The following HNRNPH1 variants were observed in gnomAD, a reference collection of about 807,000 sequenced individuals.
The protein encoded by HNRNPH1 is heterogeneous nuclear ribonucleoprotein H.
In HNRNPH1, 4 loss-of-function variants were observed where a neutral mutation model predicts 58.6. That is an observed-to-expected ratio of 0.07 (90% confidence interval 0.03 to 0.16). The LOEUF (loss-of-function observed/expected upper bound fraction) is 0.16, where lower values mean the gene tolerates loss of function less well. Among genes scored for constraint, HNRNPH1 ranks in the 10% least tolerant of loss-of-function variants. The pLI, the probability that HNRNPH1 is intolerant of heterozygous loss-of-function variation, is 1.00. For missense variants in HNRNPH1, 271 were observed against 564.2 expected (o/e 0.48, Z 5.26); for synonymous variants, 192 against 189.2 (o/e 1.01, Z -0.12).
intron 4 of HNRNPH1, 163 bp downstream of exon 5, chr5:179,619,106 T>C: frequency 1.7e-6 from 1 of 602,010 alleles, no homozygotes; most frequent in East Asian, 3.0e-5. Flanking sequence ...ACCTAAAATT[T>C]AGTTTGCGTG....
At chr5:179,627,256 A>G (rs1294494569), upstream of HNRNPH1, among the ~76,000 whole-genome samples, 1 of 152,078 alleles carries the variant, frequency 6.6e-6, no homozygotes, top group Non-Finnish European at 1.5e-5. Context: ...CAGTGACACA[A>G]TCATAACTCA....
rs770127821 is a variant in HNRNPH1 at position 179,617,632 on chromosome 5, G to A, written c.939C>T (p.Asn313=). Residue 313 remains asparagine (N), a synonymous_variant, in exon 8 of 13, where the codon AAC becomes AAT. Transcript: ENST00000356731. ...CAATTTCAATGTGTACTCTCACAGG[G>A]TTGAGCGGTGAAAAAAACTACAACA... 8.7e-6 allele frequency: 14 copies of A among 1,613,180 alleles called. No individual in the cohort carries two copies. The highest frequency in any genetic ancestry group is 1.7e-4 in the Middle Eastern group (1 of 6,058).
At chr5:179,615,133 C>A (rs1581620600) in intron 12 of HNRNPH1, 174 bp from the exon 14 acceptor site, 1 of 581,808 alleles carries the variant, frequency 1.7e-6, no homozygotes, top group Non-Finnish European at 3.1e-6. Flanking sequence ...CTCAATTAAC[C>A]CCTTTTCTCT....
chr5:179,632,102 C>G (rs1336553342), intron 2 of HNRNPH1, among the ~76,000 whole-genome samples: 2 of 151,958 alleles, frequency 1.3e-5, no homozygotes, highest in African/African-American at 2.4e-5. Context: ...GTCAGGAGAT[C>G]GAGACCATCC....
At chr5:179,633,994 A>G (rs13162707) in intron 2 of HNRNPH1, 53,739 of 152,042 alleles carry the variant, frequency 0.35, 10,945 homozygotes, top group East Asian at 0.72. Context: ...GGTAGTCACT[A>G]TGGTGCTTTC....
exon 1 of HNRNPH1, chr5:179,623,192 G>A (rs1177587069): frequency 3.1e-5 from 40 of 1,274,284 alleles, no homozygotes; most frequent in African/African-American, 1.0e-4. Flanking sequence ...CCAGAACTGA[G>A]AGCGCCAATT....
At chr5:179,631,633 G>C (rs1774836392) in intron 2 of HNRNPH1, among the ~76,000 whole-genome samples, 1 of 152,116 alleles carries the variant, frequency 6.6e-6, no homozygotes, top group Admixed American at 6.6e-5. Flanking sequence ...TGTAATCCCA[G>C]CTACTCAGGG....
chr5:179,619,177 A>C (rs1228869027), intron 4 of HNRNPH1, 92 bp downstream of exon 5: 1 of 1,184,106 alleles, frequency 8.4e-7, no homozygotes, highest in African/African-American at 1.5e-5. Context: ...TAGGACTACA[A>C]AACATTAATT....
At chr5:179,616,795 T>C (rs1769949891) in intron 10 of HNRNPH1, 74 bp downstream of exon 11, 6 of 1,247,296 alleles carry the variant, frequency 4.8e-6, no homozygotes, top group South Asian at 2.6e-5. Flanking sequence ...ATTAAATAAA[T>C]AGATTAACTT....
chr5:179,614,378 T>C (rs1768425104), exon 13 of HNRNPH1: 1 of 151,554 alleles, frequency 6.6e-6, no homozygotes, highest in Admixed American at 6.6e-5. Context: ...CTTACGTGCC[T>C]TACAGGTTAT....
rs1361726426 is a variant in HNRNPH1, at chr5:179,632,077, C to T, written c.-32+1988G>A. Among the ~76,000 whole-genome samples, 6 of 130,956 alleles carry T rather than the reference C, an allele frequency of 4.6e-5. No individual in the cohort carries two copies. The East Asian group carries it at 1.2e-3, about 27-fold the overall frequency. The allele number at this position is 130,956 out of a possible 152,430, so 85.9% of individuals were successfully genotyped here. On this transcript the variant is annotated intron_variant, in intron 2 of 4. Transcript: ENST00000521116. ...ATCCCAGCACTTTGGGAGGCCGAGGCGGGCGGATCACGAGGTCAGGAGATC... is the reference window on the plus strand; with the variant it reads ...ATCCCAGCACTTTGGGAGGCCGAGGTGGGCGGATCACGAGGTCAGGAGATC...
chr5:179,626,715 T>C (rs1316469444), upstream of HNRNPH1, among the ~76,000 whole-genome samples: 1 of 148,582 alleles, frequency 6.7e-6, no homozygotes, highest in African/African-American at 2.5e-5. Flanking sequence ...GACTCTGTCT[T>C]TAAAAAAAAA....
intron 2 of HNRNPH1, among the ~76,000 whole-genome samples, chr5:179,632,738 A>G (rs1774946960): frequency 6.9e-6 from 1 of 144,330 alleles, no homozygotes; most frequent in African/African-American, 2.6e-5. Context: ...CACTGTCTAA[A>G]GCCAAATCAA....
At chr5:179,627,705 T>C (rs1774510232), upstream of HNRNPH1, among the ~76,000 whole-genome samples, 1 of 151,904 alleles carries the variant, frequency 6.6e-6, no homozygotes, top group African/African-American at 2.4e-5. Context: ...GGTGGATAAC[T>C]TGATGTCAGG....
At chr5:179,623,569 A>G (rs1237136475) in exon 1 of HNRNPH1, 1 of 162,556 alleles carries the variant, frequency 6.2e-6, no homozygotes, top group African/African-American at 2.4e-5. Flanking sequence ...ATGGGGACAA[A>G]CAATCCTCGC....
In HNRNPH1 at chr5:179,615,606, AT is replaced by A; in HGVS notation, c.1301-12del. On this transcript the variant is annotated splice_polypyrimidine_tract_variant and intron_variant, in intron 11 of 12. Coordinates refer to ENST00000356731, the Ensembl canonical transcript of HNRNPH1. ...CCTGTAAAACTTGGTCTGCAAAAGG[AT>A]TTTGTAGGGTAAGACTATAATACCA... 6.6e-7 allele frequency: 1 copy of A among 1,503,924 alleles called. No individual in the cohort carries two copies. The highest frequency in any genetic ancestry group is 9.2e-7 in the Non-Finnish European group (1 of 1,083,768). The allele number at this position is 1,503,924 out of a possible 1,614,324, so 93.2% of individuals were successfully genotyped here. A position where few individuals can be genotyped will look rare whatever the true frequency, so the allele number is the denominator to read the frequency against.
chr5:179,614,403 A>AT (rs541140485), exon 13 of HNRNPH1: 314 of 153,296 alleles, frequency 2.0e-3, no homozygotes, highest in Non-Finnish European at 3.7e-3. Flanking sequence ...TGAAACTAGA[A>AT]TTAACAAACA....
intron 1 of HNRNPH1, 85 bp from the exon 3 acceptor site, chr5:179,621,482 C>A: frequency 8.7e-7 from 1 of 1,152,802 alleles, no homozygotes; most frequent in Non-Finnish European, 1.3e-6. Context: ...TTCCATGTCC[C>A]CACTACAAAT....
At chr5:179,617,224 G>C in intron 8 of HNRNPH1, 114 bp from the exon 10 acceptor site, 1 of 1,043,526 alleles carries the variant, frequency 9.6e-7, no homozygotes, top group Non-Finnish European at 1.4e-6. Flanking sequence ...CTTTGGCAAA[G>C]AAATTCTAGC....
Sources: allele counts gnomAD v4.1 joint callset (sites outside exome capture counted in the v4.1 genomes callset), GRCh38; gene constraint gnomAD v4.1.1; transcripts MANE v1.5; gene names NCBI Gene and HGNC (gene_info 2026-07-23, HGNC 2026-07-21).